MARCHF11: variants seen among roughly 807,000 people sequenced by gnomAD.
The protein encoded by MARCHF11 is E3 ubiquitin-protein ligase MARCHF11.
MARCHF11 carries 29 observed loss-of-function variants against 37.3 expected under a neutral mutation model. That is an observed-to-expected ratio of 0.78 (90% CI 0.58 to 1.06). MARCHF11 has a LOEUF of 1.06. MARCHF11 is among the 50% of genes least tolerant of loss of function. MARCHF11 has a pLI of 0.00. For missense variants in MARCHF11, 482 were observed against 533.4 expected, an observed-to-expected ratio of 0.90 and a Z score of 0.95; for synonymous variants, 233 against 228.0, an observed-to-expected ratio of 1.02 and a Z score of -0.20.
chr5:16,113,444 T>C (rs986004279), intron 2 of MARCHF11, among the ~76,000 whole-genome samples: 1 of 152,232 alleles, frequency 6.6e-6, no homozygotes, highest in Non-Finnish European at 1.5e-5. Flanking sequence ...TCAATGTTAT[T>C]ATTGTTCGAC....
At chr5:16,109,184 C>G (rs1055146238) in intron 2 of MARCHF11, among the ~76,000 whole-genome samples, 1 of 151,488 alleles carries the variant, frequency 6.6e-6, no homozygotes, top group Admixed American at 6.6e-5. Context: ...CTCCTAGAAC[C>G]CTTGGAATCT....
At chr5:16,128,515 G>T (rs974581124) in intron 2 of MARCHF11, among the ~76,000 whole-genome samples, 1 of 152,152 alleles carries the variant, frequency 6.6e-6, no homozygotes, top group Non-Finnish European at 1.5e-5. Context: ...GATGGGGAAG[G>T]GTTTAAAGTT....
intron 2 of MARCHF11, among the ~76,000 whole-genome samples, chr5:16,128,540 T>A (rs1263781803): frequency 6.6e-6 from 1 of 152,196 alleles, no homozygotes; most frequent in African/African-American, 2.4e-5. Flanking sequence ...AGGGTCCCAC[T>A]AAAAGAAGGA....
chr5:16,165,490 A>C (rs1480952665), intron 2 of MARCHF11, among the ~76,000 whole-genome samples: 1 of 152,040 alleles, frequency 6.6e-6, no homozygotes, highest in Non-Finnish European at 1.5e-5. Context: ...ACCACATTAC[A>C]TTTAGTCATC....
At chr5:16,089,585 A>G (rs1285505104) in intron 3 of MARCHF11, among the ~76,000 whole-genome samples, 2 of 144,064 alleles carry the variant, frequency 1.4e-5, no homozygotes, top group African/African-American at 4.9e-5. Flanking sequence ...CTAGTGAGAA[A>G]GGAGGAAAGA....
At chr5:16,094,038 ATAAT>A (rs1377304687) in intron 2 of MARCHF11, among the ~76,000 whole-genome samples, 5 of 152,188 alleles carry the variant, frequency 3.3e-5, no homozygotes, top group African/African-American at 4.8e-5. Flanking sequence ...TCATTTTTGA[ATAAT>A]TAATGAAGAC....
At chr5:16,107,923 C>T (rs1560976656) in intron 2 of MARCHF11, among the ~76,000 whole-genome samples, 1 of 152,038 alleles carries the variant, frequency 6.6e-6, no homozygotes, top group Non-Finnish European at 1.5e-5. Context: ...CCTTCCAGCT[C>T]CCCATCTATC....
At chr5:16,128,487 T>C (rs1737457653) in intron 2 of MARCHF11, among the ~76,000 whole-genome samples, 1 of 152,100 alleles carries the variant, frequency 6.6e-6, no homozygotes, top group Admixed American at 6.5e-5. Context: ...AGATAACCCC[T>C]AGGGATACCC....
intron 2 of MARCHF11, among the ~76,000 whole-genome samples, chr5:16,110,577 A>T (rs1737120374): frequency 6.6e-6 from 1 of 152,214 alleles, no homozygotes; most frequent in East Asian, 1.9e-4. Flanking sequence ...TTTAGAAATG[A>T]TCTGGTCCAA....
chr5:16,174,177 C>T (rs971714522), intron 2 of MARCHF11, among the ~76,000 whole-genome samples: 4 of 152,148 alleles, frequency 2.6e-5, no homozygotes, highest in African/African-American at 7.2e-5. Flanking sequence ...TATATGTCCA[C>T]GCATTTCACT....
intron 2 of MARCHF11, among the ~76,000 whole-genome samples, 180 bp from the exon 3 acceptor site, chr5:16,091,261 T>C (rs1736787688): frequency 1.3e-5 from 2 of 152,254 alleles, no homozygotes; most frequent in Admixed American, 1.3e-4. Flanking sequence ...TAAAGATTAA[T>C]GACTTGCCTT....
Position 16,164,505 on chromosome 5 carries a change from T to C in MARCHF11, c.693+13221A>G, listed in dbSNP as rs1444130712. On this transcript the variant is annotated intron_variant, in intron 2 of 3. Coordinates refer to ENST00000332432, the MANE Select transcript of MARCHF11 (RefSeq NM_001102562.3). The stretch of plus-strand genomic sequence containing the variant: ...CTCTTACCCAAAACACTTTGGCCCA[T>C]ATGTGTTTCAGGATCCTAAGTTGTC... Among the ~76,000 whole-genome samples the C allele has an allele frequency of 2.0e-5, 3 of 152,062 alleles. No homozygotes were observed. The South Asian group carries it at 6.2e-4, about 31-fold the overall frequency.
At chr5:16,127,627 T>G (rs1450808362) in intron 2 of MARCHF11, among the ~76,000 whole-genome samples, 1 of 152,204 alleles carries the variant, frequency 6.6e-6, no homozygotes, top group Non-Finnish European at 1.5e-5. Context: ...AATTACAATC[T>G]GCCATTGTTC....
chr5:16,085,484 T>C (rs1736678665), intron 3 of MARCHF11, among the ~76,000 whole-genome samples: 1 of 151,032 alleles, frequency 6.6e-6, no homozygotes, highest in African/African-American at 2.4e-5. Flanking sequence ...ACTACTCGAA[T>C]GGTTAAGTGT....
At chr5:16,155,890 C>T (rs777352117) in intron 2 of MARCHF11, among the ~76,000 whole-genome samples, 5 of 151,844 alleles carry the variant, frequency 3.3e-5, no homozygotes, top group Admixed American at 6.6e-5. Flanking sequence ...AAAGTTCAGC[C>T]GTAGTCAGCC....
chr5:16,156,209 C>T (rs972354418), intron 2 of MARCHF11, among the ~76,000 whole-genome samples: 1 of 151,850 alleles, frequency 6.6e-6, no homozygotes, highest in Non-Finnish European at 1.5e-5. Flanking sequence ...GTTGACCCTG[C>T]TTGGTTTTGA....
intron 3 of MARCHF11, among the ~76,000 whole-genome samples, chr5:16,068,839 T>G (rs759126345): frequency 6.6e-6 from 1 of 152,196 alleles, no homozygotes; most frequent in Non-Finnish European, 1.5e-5. Context: ...GAAAGTCCAC[T>G]GAAGTTGGTA....
intron 2 of MARCHF11, among the ~76,000 whole-genome samples, chr5:16,171,368 G>A (rs1418535674): frequency 6.6e-6 from 1 of 150,498 alleles, no homozygotes; most frequent in Non-Finnish European, 1.5e-5. Flanking sequence ...CCCACCCATT[G>A]AATTTTCTAA....
chr5:16,080,173 G>A (rs532312252), intron 3 of MARCHF11, among the ~76,000 whole-genome samples: 79 of 152,210 alleles, frequency 5.2e-4, no homozygotes, highest in African/African-American at 1.8e-3. Flanking sequence ...AATTCACTGC[G>A]GTCTCGCATC....
Sources: gnomAD v4.1 joint callset for allele counts (sites outside exome capture counted in the v4.1 genomes callset) on GRCh38, gnomAD v4.1.1 for gene constraint, MANE v1.5 for transcripts, NCBI Gene and HGNC (gene_info 2026-07-23, HGNC 2026-07-21) for gene names.